Variants in MTUS2 observed in about 807,000 individuals in gnomAD.
MTUS2 encodes the protein microtubule-associated tumor suppressor candidate 2.
A neutral mutation model predicts 114.1 loss-of-function variants in MTUS2; 40 were observed. The observed-to-expected ratio is 0.35, with a 90% confidence interval of 0.27 to 0.46. The LOEUF (loss-of-function observed/expected upper bound fraction) is 0.46, where lower values mean the gene tolerates loss of function less well. Ranked by LOEUF, MTUS2 falls within the 20% of genes least tolerant of loss-of-function variation. The probability of loss-of-function intolerance (pLI) is 1.00; values close to 1 mark genes in which losing one functional copy is unlikely to be tolerated. For missense variants in MTUS2, 1,679 were observed against 1,705.4 expected (o/e 0.98, Z 0.27); for synonymous variants, 688 against 672.0 (o/e 1.02, Z -0.37).
chr13:29,084,941 C>A (rs1219258796), intron 4 of MTUS2, among the ~76,000 whole-genome samples: 1 of 152,144 alleles, frequency 6.6e-6, no homozygotes, highest in Non-Finnish European at 1.5e-5. Flanking sequence ...AATGTGATCC[C>A]TAATGTTGGA....
Position 29,025,662 on chromosome 13 carries a change from C to A in MTUS2, c.964C>A (p.Gln322Lys). 1 of 1,613,990 alleles carries A rather than the reference C, an allele frequency of 6.2e-7. No homozygotes were observed. Among genetic ancestry groups the A allele is most frequent in the Non-Finnish European group, 8.5e-7 (1 of 1,179,902 alleles). Reference sequence around the variant, plus strand: ...ATATGTTCCTCCCAGGAGAGTTGAACAGGAGGGAAAGGCAGCCCAGGAAGG... The same window carrying A: ...ATATGTTCCTCCCAGGAGAGTTGAAAAGGAGGGAAAGGCAGCCCAGGAAGG... The part of the protein sequence containing the change: ...LKYVPPRRVE[Q>K]EGKAAQEGYL... The change falls in exon 3 of 16, where the codon CAG becomes AAG. Residue 322 changes from glutamine (Q) to lysine (K), a missense_variant. By Grantham distance (53) the Gln-to-Lys change is moderately conservative. Transcript: ENST00000612955.
Position 29,441,459 on chromosome 13 carries a change from A to G in MTUS2, c.3184+1410A>G, listed in dbSNP as rs549290724. The stretch of plus-strand genomic sequence containing the variant: ...TTTCTATTTGTTGGGTATCACCCCA[A>G]GCAGCATTCACAGTGACAGCTGCAG... On this transcript the variant is annotated intron_variant, in intron 9 of 15. Coordinates refer to ENST00000612955, the MANE Select transcript of MTUS2 (RefSeq NM_001033602.4). 5.3e-5 allele frequency among the ~76,000 whole-genome samples: 8 copies of G among 152,312 alleles called. No homozygotes were observed. The East Asian group carries it at 1.5e-3, about 29-fold the overall frequency.
intron 8 of MTUS2, chr13:29,428,480 C>G (rs1161528900): frequency 3.5e-6 from 1 of 281,836 alleles, no homozygotes; most frequent in Non-Finnish European, 6.6e-6. Flanking sequence ...GCAGGCTGTC[C>G]TTTTAGGGAG....
At chr13:29,212,953 C>T (rs1364701200) in intron 5 of MTUS2, among the ~76,000 whole-genome samples, 1 of 152,084 alleles carries the variant, frequency 6.6e-6, no homozygotes, top group Non-Finnish European at 1.5e-5. Context: ...ATGACTTGGT[C>T]TTCCTAGTGA....
Position 29,273,058 on chromosome 13 carries a change from G to A in MTUS2, c.2645-8646G>A, listed in dbSNP as rs149041748. Among the ~76,000 whole-genome samples the A allele has an allele frequency of 1.1e-3, 160 of 152,300 alleles. 1 individual carries two copies. Among genetic ancestry groups the A allele is most frequent in the African/African-American group, 3.7e-3 (153 of 41,562 alleles). On this transcript the variant is annotated intron_variant, in intron 5 of 15. Coordinates refer to ENST00000612955, the MANE Select transcript of MTUS2 (RefSeq NM_001033602.4). Reference sequence around the variant, plus strand: ...GGCCTTAATCCCATTCATGAGGGAAGAGCCCTCATAGCCCAATCACCTTTA... The same window carrying A: ...GGCCTTAATCCCATTCATGAGGGAAAAGCCCTCATAGCCCAATCACCTTTA...
chr13:29,038,099 T>A (rs182575989), intron 4 of MTUS2, among the ~76,000 whole-genome samples: 17 of 152,300 alleles, frequency 1.1e-4, no homozygotes, highest in Middle Eastern at 6.8e-3. Context: ...GGCATTCTGG[T>A]GTTTGGAATT....
At chr13:28,820,893 A>T (rs184314750) in intron 1 of MTUS2, among the ~76,000 whole-genome samples, 1 of 152,158 alleles carries the variant, frequency 6.6e-6, no homozygotes, top group East Asian at 1.9e-4. Context: ...GTTCTCCCCT[A>T]CCCACCCCCA....
At position 29,503,280 on chromosome 13, in the gene MTUS2, G is replaced by A. The variant is rs1883032005; in HGVS notation, c.*74G>A. The A allele has an allele frequency of 6.5e-7, 1 of 1,542,460 alleles. No individual in the cohort carries two copies. The highest frequency in any genetic ancestry group is 1.4e-5 in the African/African-American group (1 of 73,264). ...CACCCTGAGGGAGCACCGACCCGGT[G>A]CCGCCGGAGCTGGCCCTGTGCGCAT... On this transcript the variant is annotated 3_prime_UTR_variant, in exon 16 of 16. Coordinates refer to ENST00000612955, the MANE Select transcript of MTUS2 (RefSeq NM_001033602.4).
At chr13:29,402,195 G>A (rs1277021065) in intron 8 of MTUS2, among the ~76,000 whole-genome samples, 1 of 152,100 alleles carries the variant, frequency 6.6e-6, no homozygotes, top group Non-Finnish European at 1.5e-5. Flanking sequence ...ATCCTTGAGT[G>A]CCCTTTGATG....
intron 6 of MTUS2, among the ~76,000 whole-genome samples, chr13:29,301,520 A>C (rs1451864885): frequency 6.6e-6 from 1 of 152,230 alleles, no homozygotes; most frequent in Non-Finnish European, 1.5e-5. Flanking sequence ...AACTTTATTA[A>C]TAATCTACAG....
intron 8 of MTUS2, among the ~76,000 whole-genome samples, chr13:29,422,620 A>G: frequency 6.6e-6 from 1 of 150,752 alleles, no homozygotes. Flanking sequence ...CCCAAATTTC[A>G]TAAGCCTGTG....
chr13:28,829,286 G>T (rs1874493210), intron 1 of MTUS2, among the ~76,000 whole-genome samples: 1 of 152,134 alleles, frequency 6.6e-6, no homozygotes, highest in Non-Finnish European at 1.5e-5. Flanking sequence ...AGCACTTAGA[G>T]AGGCTGAGAC....
At chr13:29,471,947 C>G (rs184542490) in intron 9 of MTUS2, among the ~76,000 whole-genome samples, 1 of 152,154 alleles carries the variant, frequency 6.6e-6, no homozygotes, top group Non-Finnish European at 1.5e-5. Flanking sequence ...TCACCAGGCC[C>G]GAGAGATGCT....
chr13:29,170,020 A>G (rs1308227104), intron 5 of MTUS2, among the ~76,000 whole-genome samples: 1 of 86,546 alleles, frequency 1.2e-5, no homozygotes, highest in African/African-American at 4.2e-5. Context: ...GCAAAGGTTC[A>G]AAGAAAAATC....
In MTUS2 at chr13:28,973,254, A is replaced by G. The variant is rs1883938445; in HGVS notation, c.-242-51203A>G. ...AAATTTTTCACTCTTAGCAAGAGTAATGAAACAACACTTCTGACAGGTAAC... is the reference window on the plus strand; with the variant it reads ...AAATTTTTCACTCTTAGCAAGAGTAGTGAAACAACACTTCTGACAGGTAAC... On this transcript the variant is annotated intron_variant, in intron 2 of 15. Transcript: ENST00000612955. Among the ~76,000 whole-genome samples the G allele has an allele frequency of 2.6e-5, 4 of 152,218 alleles. No individual in the cohort carries two copies. In the South Asian group the frequency reaches 8.3e-4, roughly 32 times the overall value.
At chr13:29,173,989 T>C (rs1927832) in intron 5 of MTUS2, among the ~76,000 whole-genome samples, 103,939 of 151,882 alleles carry the variant, frequency 0.68, 36,223 homozygotes, top group African/African-American at 0.82. Context: ...TCAGGAAATA[T>C]GGACTCCTAC....
intron 4 of MTUS2, among the ~76,000 whole-genome samples, chr13:29,070,204 C>G (rs1888851975): frequency 6.6e-6 from 1 of 152,104 alleles, no homozygotes; most frequent in African/African-American, 2.4e-5. Flanking sequence ...ATTTTCAATT[C>G]TGCTCTTTGT....
At chr13:29,306,588 G>A (rs1228751454) in intron 6 of MTUS2, among the ~76,000 whole-genome samples, 1 of 152,198 alleles carries the variant, frequency 6.6e-6, no homozygotes, top group East Asian at 1.9e-4. Context: ...CAAGGCGAAT[G>A]AAGGACCTCT....
chr13:29,295,317 T>C (rs965990308), intron 6 of MTUS2, among the ~76,000 whole-genome samples: 3 of 152,140 alleles, frequency 2.0e-5, no homozygotes, highest in Non-Finnish European at 2.9e-5. Context: ...TATCCAGAAA[T>C]TGTTGTTAAT....
Sources: gnomAD v4.1 joint callset for allele counts (sites outside exome capture counted in the v4.1 genomes callset) on GRCh38, gnomAD v4.1.1 for gene constraint, MANE v1.5 for transcripts, NCBI Gene and HGNC (gene_info 2026-07-23, HGNC 2026-07-21) for gene names.